The following CNTN4 variants were observed in gnomAD, a reference collection of about 807,000 sequenced individuals.
CNTN4 encodes contactin 4.
CNTN4 carries 77 observed loss-of-function variants against 122.5 expected under a neutral mutation model. The observed-to-expected ratio is 0.63, with a 90% CI of 0.52 to 0.76. The LOEUF (loss-of-function observed/expected upper bound fraction) is 0.76, where lower values mean the gene tolerates loss of function less well. Among genes scored for constraint, CNTN4 ranks in the 30% least tolerant of loss-of-function variants. The pLI is 0.00. For missense variants in CNTN4, 1,256 were observed against 1,259.1 expected, an observed-to-expected ratio of 1.00 and a Z score of 0.04; for synonymous variants, 512 against 447.0, an observed-to-expected ratio of 1.15 and a Z score of -1.83.
At chr3:2,559,252 T>C (rs2078846463) in intron 3 of CNTN4, among the ~76,000 whole-genome samples, 1 of 152,228 alleles carries the variant, frequency 6.6e-6, no homozygotes, top group African/African-American at 2.4e-5. Context: ...TATCTGATAA[T>C]GAAGTACCCC....
intron 2 of CNTN4, among the ~76,000 whole-genome samples, chr3:2,309,854 C>T (rs984964275): frequency 3.3e-5 from 5 of 152,130 alleles, no homozygotes; most frequent in Non-Finnish European, 5.9e-5. Context: ...TGGAAAGTCT[C>T]AGGACCAGCT....
At position 2,663,217 on chromosome 3, in the gene CNTN4, A is replaced by G. The variant is rs542286193; in HGVS notation, c.56-72998A>G. Among the ~76,000 whole-genome samples, 9 of 152,326 alleles carry G rather than the reference A, an allele frequency of 5.9e-5. No homozygotes were observed. The East Asian group carries it at 1.7e-3, about 29-fold the overall frequency. ...TGATGGCGATTTATTAAAGAATCTA[A>G]AAATCATTGAACTAGAATCAAAAAA... On this transcript the variant is annotated intron_variant, in intron 4 of 24. Coordinates refer to ENST00000418658, the MANE Select transcript of CNTN4 (RefSeq NM_175607.3).
intron 8 of CNTN4, among the ~76,000 whole-genome samples, chr3:2,875,108 G>A (rs915558354): frequency 2.0e-5 from 3 of 151,968 alleles, no homozygotes; most frequent in African/African-American, 4.8e-5. Flanking sequence ...CCAGCCTCCC[G>A]AGTAGCTGGG....
intron 3 of CNTN4, among the ~76,000 whole-genome samples, chr3:2,384,765 T>C (rs544735023): frequency 3.4e-5 from 5 of 148,372 alleles, no homozygotes; most frequent in African/African-American, 7.4e-5. Context: ...TGTGTGCGTG[T>C]GTGTGTGTGT....
At chr3:2,120,362 T>TATATATAA (rs2033645145) in intron 2 of CNTN4, among the ~76,000 whole-genome samples, 2 of 54,048 alleles carry the variant, frequency 3.7e-5, no homozygotes, top group African/African-American at 1.1e-4. Context: ...TATATATATA[T>TATATATAA]ATATATATAT....
Position 2,287,632 on chromosome 3 carries a change from GAGAAGAAGAAGAAGAAGA to G in CNTN4, c.-144-51503_-144-51486del, listed in dbSNP as rs1210971247. On this transcript the variant is annotated intron_variant, in intron 2 of 24. Transcript: ENST00000418658. ...AAAGAAGGAGAAGGAGAAGGAGAAG[GAGAAGAAGAAGAAGAAGA>G]AGAAGAAGAAGAAGAAGAAGAAGAA... is the stretch of plus-strand genomic sequence containing the variant. 4.2e-3 allele frequency among the ~76,000 whole-genome samples: 208 copies of G among 49,468 alleles called. 1 individual carries two copies. The highest frequency in any genetic ancestry group is 0.014 in the African/African-American group (200 of 13,998). The allele number at this position is 49,468 out of a possible 152,430, so 32.5% of individuals were successfully genotyped here. A position where few individuals can be genotyped will look rare whatever the true frequency, so the allele number is the denominator to read the frequency against.
At chr3:2,671,383 G>A (rs578179603) in intron 4 of CNTN4, among the ~76,000 whole-genome samples, 4 of 151,976 alleles carry the variant, frequency 2.6e-5, no homozygotes, top group South Asian at 4.2e-4. Flanking sequence ...TGATCGAATC[G>A]GCTACTGAAG....
At position 2,381,017 on chromosome 3, in the gene CNTN4, T is replaced by G. The variant is rs1575505400; in HGVS notation, c.-89+41784T>G. 2.0e-5 allele frequency among the ~76,000 whole-genome samples: 3 copies of G among 152,030 alleles called. No individual in the cohort carries two copies. The East Asian group carries it at 5.8e-4, about 29-fold the overall frequency. On this transcript the variant is annotated intron_variant, in intron 3 of 24. Coordinates refer to ENST00000418658, the MANE Select transcript of CNTN4 (RefSeq NM_175607.3). ...TTTGTTTTGTTTTTTTCTTCCTTTTTTTTTTGGAGACAGAGTCTTGGTCAG... is the reference window on the plus strand; with the variant it reads ...TTTGTTTTGTTTTTTTCTTCCTTTTGTTTTTGGAGACAGAGTCTTGGTCAG...
At chr3:2,539,852 G>T (rs548254820) in intron 3 of CNTN4, among the ~76,000 whole-genome samples, 1 of 151,998 alleles carries the variant, frequency 6.6e-6, no homozygotes, top group African/African-American at 2.4e-5. Flanking sequence ...GAAACAGTTT[G>T]CCTCAAGAAA....
intron 4 of CNTN4, among the ~76,000 whole-genome samples, chr3:2,732,065 C>G (rs2088725445): frequency 6.6e-6 from 1 of 152,150 alleles, no homozygotes; most frequent in South Asian, 2.1e-4. Context: ...AACTATTAGT[C>G]CAGGCAGGCA....
At chr3:2,417,780 G>A (rs1051783058) in intron 3 of CNTN4, among the ~76,000 whole-genome samples, 2 of 152,130 alleles carry the variant, frequency 1.3e-5, no homozygotes, top group Non-Finnish European at 2.9e-5. Context: ...TACACCTAGA[G>A]AATGGAATAA....
chr3:2,592,636 C>A (rs930486248), intron 4 of CNTN4, among the ~76,000 whole-genome samples: 1 of 152,156 alleles, frequency 6.6e-6, no homozygotes, highest in African/African-American at 2.4e-5. Context: ...AACTTTGTGC[C>A]TCCTTTCCTT....
Position 3,053,858 on chromosome 3 carries a change from A to T in CNTN4, c.2863A>T (p.Lys955Ter). ...CAGCACATCTGTCATTGAAACAAAT[A>T]AAACATCGGTGGAGCTTTCTTTGCC... is the stretch of plus-strand genomic sequence containing the variant. ...QSSTSVIETN[K>*]TSVELSLPFD... The change falls in exon 24 of 25, where the codon AAA becomes TAA. Residue 955 changes from lysine to a stop codon, truncating the protein, a stop_gained. Coordinates refer to ENST00000418658, the MANE Select transcript of CNTN4 (RefSeq NM_175607.3). LOFTEE classifies it high-confidence loss of function. The T allele has an allele frequency of 6.2e-7, 1 of 1,614,240 alleles. No individual in the cohort carries two copies. The highest frequency in any genetic ancestry group is 1.3e-5 in the African/African-American group (1 of 75,064).
chr3:2,569,203 A>G (rs1161640647), intron 3 of CNTN4, among the ~76,000 whole-genome samples: 1 of 152,184 alleles, frequency 6.6e-6, no homozygotes, highest in Non-Finnish European at 1.5e-5. Flanking sequence ...AAACTAAGCT[A>G]TTTAAGGGCA....
At chr3:2,875,203 G>A (rs146622330) in intron 8 of CNTN4, among the ~76,000 whole-genome samples, 1,732 of 152,108 alleles carry the variant, frequency 0.011, 15 homozygotes, top group South Asian at 0.031. Context: ...GGCTGGTCTC[G>A]AACTTCTGAC....
chr3:2,895,897 G>A (rs1224803783), intron 10 of CNTN4, among the ~76,000 whole-genome samples: 4 of 152,318 alleles, frequency 2.6e-5, no homozygotes, highest in East Asian at 3.9e-4. Context: ...GCCGAGCGTG[G>A]TGGCGGGCGC....
intron 3 of CNTN4, among the ~76,000 whole-genome samples, chr3:2,498,181 AT>A (rs2076502635): frequency 7.9e-5 from 12 of 152,334 alleles, no homozygotes; most frequent in Admixed American, 6.5e-4. Flanking sequence ...AGGAATATAT[AT>A]GGAGTATGAA....
chr3:2,805,881 A>G (rs954091741), intron 6 of CNTN4, among the ~76,000 whole-genome samples: 3 of 151,982 alleles, frequency 2.0e-5, no homozygotes, highest in Non-Finnish European at 2.9e-5. Flanking sequence ...TACTCTCATA[A>G]CACTTTTTGT....
At chr3:2,392,946 G>C (rs769701473) in intron 3 of CNTN4, among the ~76,000 whole-genome samples, 1 of 152,082 alleles carries the variant, frequency 6.6e-6, no homozygotes, top group Non-Finnish European at 1.5e-5. Context: ...CATTATATTA[G>C]TTTCTTAGGG....
Sources: allele counts gnomAD v4.1 joint callset (sites outside exome capture counted in the v4.1 genomes callset), GRCh38; gene constraint gnomAD v4.1.1; transcripts MANE v1.5; gene names NCBI Gene and HGNC (gene_info 2026-07-23, HGNC 2026-07-21).